Variants in ARHGEF18 observed in about 807,000 individuals in gnomAD.
ARHGEF18 encodes Rho/Rac guanine nucleotide exchange factor 18, also known as rho guanine nucleotide exchange factor 18.
A neutral mutation model predicts 155.7 loss-of-function variants in ARHGEF18; 93 were observed. That is an observed-to-expected ratio of 0.60 (90% CI 0.50 to 0.71). The LOEUF is 0.71. ARHGEF18 is among the 30% of genes least tolerant of loss of function. ARHGEF18 has a pLI of 0.00. For synonymous variants in ARHGEF18, 742 were observed against 753.1 expected, an observed-to-expected ratio of 0.99 and a Z score of 0.24; for missense variants, 1,593 against 1,816.1, an observed-to-expected ratio of 0.88 and a Z score of 2.23.
chr19:7,430,404 T>A (rs1973890782), intron 10 of ARHGEF18, among the ~76,000 whole-genome samples: 2 of 151,518 alleles, frequency 1.3e-5, no homozygotes, highest in Admixed American at 1.3e-4. Flanking sequence ...AGTCTCACCA[T>A]GTTGGCCAGG....
At chr19:7,453,099 T>C (rs1370624881) in intron 16 of ARHGEF18, among the ~76,000 whole-genome samples, 1 of 151,892 alleles carries the variant, frequency 6.6e-6, no homozygotes, top group Admixed American at 6.6e-5. Context: ...CTTGGGAGAC[T>C]GAGGCAGGAG....
rs948721973 is a variant in ARHGEF18 at position 7,406,365 on chromosome 19, G to A, written c.967+23162G>A. Among the ~76,000 whole-genome samples the A allele has an allele frequency of 6.6e-5, 10 of 152,144 alleles. No homozygotes were observed. In the East Asian group the frequency reaches 1.5e-3, roughly 23 times the overall value. Reference sequence around the variant, plus strand: ...CTCCCAAAGTGCTGGGATTACAAGCGTGAGCCACCACACCTGGCCTCCAGA... The same window carrying A: ...CTCCCAAAGTGCTGGGATTACAAGCATGAGCCACCACACCTGGCCTCCAGA... On this transcript the variant is annotated intron_variant, in intron 10 of 28. Coordinates refer to ENST00000668164, the MANE Select transcript of ARHGEF18 (RefSeq NM_001367823.1).
chr19:7,417,364 C>G (rs1466899661), intron 10 of ARHGEF18, among the ~76,000 whole-genome samples: 1 of 152,086 alleles, frequency 6.6e-6, no homozygotes, highest in African/African-American at 2.4e-5. Flanking sequence ...GCCTGGGCAG[C>G]ATAGCAAGAC....
chr19:7,354,875 G>C (rs1376159067), intron 1 of ARHGEF18, among the ~76,000 whole-genome samples: 1 of 152,072 alleles, frequency 6.6e-6, no homozygotes, highest in Non-Finnish European at 1.5e-5. Context: ...ACTCCAGCCT[G>C]GGTGACAGAG....
intron 16 of ARHGEF18, among the ~76,000 whole-genome samples, chr19:7,451,737 GT>G (rs1975490043): frequency 6.6e-6 from 1 of 150,734 alleles, no homozygotes; most frequent in South Asian, 2.1e-4. Flanking sequence ...GTTTTGTTTT[GT>G]TTTGAGACAG....
chr19:7,372,370 C>T (rs935980023), intron 2 of ARHGEF18, among the ~76,000 whole-genome samples: 3 of 151,134 alleles, frequency 2.0e-5, no homozygotes, highest in Non-Finnish European at 4.4e-5. Flanking sequence ...GGTGCCCTGG[C>T]TGGACAGAAT....
At chr19:7,457,384 A>G (rs957914659) in intron 18 of ARHGEF18, among the ~76,000 whole-genome samples, 2 of 100,828 alleles carry the variant, frequency 2.0e-5, no homozygotes, top group Non-Finnish European at 3.5e-5. Flanking sequence ...TTTTTTTGAG[A>G]CAGTCTCACT....
downstream of ARHGEF18, among the ~76,000 whole-genome samples, chr19:7,474,951 T>C (rs903347603): frequency 6.6e-6 from 1 of 151,902 alleles, no homozygotes; most frequent in East Asian, 1.9e-4. Context: ...GGGCCTGTAG[T>C]GGCTGGGCAC....
rs374779913 is a variant in ARHGEF18 at position 7,453,114 on chromosome 19, G to T, written c.1856-353G>T. Among the ~76,000 whole-genome samples the T allele has an allele frequency of 3.9e-5, 6 of 151,960 alleles. No individual in the cohort carries two copies. In the East Asian group the frequency reaches 9.8e-4, roughly 25 times the overall value. ...CTTGGGAGACTGAGGCAGGAGAATC[G>T]CTTGAACCTGGGAGACAGGTTGCAG... On this transcript the variant is annotated intron_variant, in intron 16 of 28. Transcript: ENST00000668164.
At chr19:7,472,492 T>C (rs1977089179), downstream of ARHGEF18, 1 of 163,002 alleles carries the variant, frequency 6.1e-6, no homozygotes, top group African/African-American at 2.4e-5. Context: ...GTGACTGGCG[T>C]GCACGTTCTT....
intron 5 of ARHGEF18, among the ~76,000 whole-genome samples, chr19:7,377,928 TATAAAA>T (rs1970537362): frequency 6.6e-6 from 1 of 151,526 alleles, no homozygotes; most frequent in Admixed American, 6.6e-5. Flanking sequence ...CTACTAAAAA[TATAAAA>T]ACGCAAGAAT....
Position 7,471,680 on chromosome 19 carries a change from G to C in ARHGEF18, c.*1382G>C, listed in dbSNP as rs558657013. On this transcript the variant is annotated 3_prime_UTR_variant, in exon 29 of 29. Transcript: ENST00000668164. The surrounding 1 kb of genome is among the most constrained non-coding windows in gnomAD (Gnocchi z 4.4). ...AACAGGGACATTCCCGCCACTCGGGGACAGATGGGCACAAGGGAGGGGAAA... is the reference window on the plus strand; with the variant it reads ...AACAGGGACATTCCCGCCACTCGGGCACAGATGGGCACAAGGGAGGGGAAA... 1 of 152,312 alleles carries C rather than the reference G, an allele frequency of 6.6e-6. No individual in the cohort carries two copies. The highest frequency in any genetic ancestry group is 1.5e-5 in the Non-Finnish European group (1 of 68,126). The allele number at this position is 152,312 out of a possible 1,614,324, so 9.4% of individuals were successfully genotyped here. A position where few individuals can be genotyped will look rare whatever the true frequency, so the allele number is the denominator to read the frequency against.
At position 7,373,026 on chromosome 19, in the gene ARHGEF18, G is replaced by A. The variant is rs8101182; in HGVS notation, c.230G>A (p.Arg77Gln). The A allele has an allele frequency of 1.6e-3, 2,002 of 1,234,416 alleles. 25 individuals carry two copies. In the African/African-American group the frequency reaches 0.026, roughly 16 times the overall value. 76.5% of individuals were successfully genotyped at this position (1,234,416 alleles called of 1,614,324 possible). A position where few individuals can be genotyped will look rare whatever the true frequency, so the allele number is the denominator to read the frequency against. The change falls in exon 3 of 29, where the codon CGG becomes CAG. Residue 77 changes from arginine to glutamine, a missense_variant. Arg to Gln is a conservative substitution (Grantham distance 43). Coordinates refer to ENST00000668164, the MANE Select transcript of ARHGEF18 (RefSeq NM_001367823.1). ...SLAGSQDLSR[R>Q]RSWERSRSCS... ...GCAGGGTCCCAAGACCTGTCAAGGC[G>A]GCGCAGCTGGGAAAGGTCGCGGAGC...
Position 7,348,978 on chromosome 19 carries a change from T to C in ARHGEF18, c.-374T>C, listed in dbSNP as rs1304669841. On this transcript the variant is annotated 5_prime_UTR_variant, in exon 1 of 29. Transcript: ENST00000668164. ...CAGGGCTGAGGGGTGGGAGCAGGGC[T>C]CTCTGCCTCCAGAACCCCCATCCTC... 1.3e-5 allele frequency: 2 copies of C among 152,266 alleles called. No homozygotes were observed. Among genetic ancestry groups the C allele is most frequent in the African/African-American group, 4.8e-5 (2 of 41,452 alleles). The allele number at this position is 152,266 out of a possible 1,614,324, so 9.4% of individuals were successfully genotyped here.
intron 2 of ARHGEF18, 96 bp from the exon 3 acceptor site, chr19:7,372,716 G>A: frequency 8.5e-7 from 1 of 1,176,584 alleles, no homozygotes; most frequent in Non-Finnish European, 1.1e-6. Flanking sequence ...GCAGGGTCTG[G>A]ATGTTGGGAG....
intron 10 of ARHGEF18, among the ~76,000 whole-genome samples, chr19:7,386,141 T>G (rs956430885): frequency 5.4e-5 from 8 of 148,264 alleles, no homozygotes; most frequent in Non-Finnish European, 4.4e-5. Context: ...CACCTCAGCC[T>G]CACAAATACC....
chr19:7,395,290 G>A lies in ARHGEF18; in HGVS notation c.967+12087G>A, dbSNP rs1473415478. On this transcript the variant is annotated intron_variant, in intron 10 of 28. Transcript: ENST00000668164. The surrounding 1 kb of genome is among the most constrained non-coding windows in gnomAD (Gnocchi z 5.0). ...GCGGTCCCGAGGAAAACGGGGCTCAGGAGGGGGCCCTCGGTCTCTTCAGGG... is the reference window on the plus strand; with the variant it reads ...GCGGTCCCGAGGAAAACGGGGCTCAAGAGGGGGCCCTCGGTCTCTTCAGGG... The A allele has an allele frequency of 2.0e-6, 2 of 985,742 alleles. No individual in the cohort carries two copies. The highest frequency in any genetic ancestry group is 2.4e-6 in the Non-Finnish European group (2 of 830,300). The allele number at this position is 985,742 out of a possible 1,614,324, so 61.1% of individuals were successfully genotyped here. A position where few individuals can be genotyped will look rare whatever the true frequency, so the allele number is the denominator to read the frequency against.
chr19:7,381,138 A>G, intron 8 of ARHGEF18, 144 bp downstream of exon 8: 1 of 531,140 alleles, frequency 1.9e-6, no homozygotes, highest in Non-Finnish European at 2.9e-6. Flanking sequence ...CAGGAAAGGG[A>G]GGGATGAGGC....
At position 7,444,226 on chromosome 19, in the gene ARHGEF18, C is replaced by T; in HGVS notation, c.1383C>T (p.His461=). ...VLYELMQTEV[H]HVRTLKIMLK... Reference sequence around the variant, plus strand: ...CAGAGCTGATGCAGACAGAGGTGCACCACGTGCGGACGCTCAAGATCATGC... The same window carrying T: ...CAGAGCTGATGCAGACAGAGGTGCATCACGTGCGGACGCTCAAGATCATGC... The change falls in exon 14 of 29, where the codon CAC becomes CAT. Residue 461 remains histidine (H), a synonymous_variant. Transcript: ENST00000668164. The surrounding 1 kb of genome is among the most constrained non-coding windows in gnomAD (Gnocchi z 4.7). 1 of 1,613,416 alleles carries T rather than the reference C, an allele frequency of 6.2e-7. No homozygotes were observed. Among genetic ancestry groups the T allele is most frequent in the Non-Finnish European group, 8.5e-7 (1 of 1,179,982 alleles).
Sources: gnomAD v4.1 joint callset for allele counts (sites outside exome capture counted in the v4.1 genomes callset) on GRCh38, gnomAD v4.1.1 for gene constraint, Gnocchi (gnomAD v3.1) non-coding constraint, MANE v1.5 for transcripts, NCBI Gene and HGNC (gene_info 2026-07-23, HGNC 2026-07-21) for gene names.